The following KCNQ2 variants were observed in gnomAD, a reference collection of about 807,000 sequenced individuals.
The protein encoded by KCNQ2 is potassium voltage-gated channel subfamily Q member 2.
In KCNQ2, 14 loss-of-function variants were observed where a neutral mutation model predicts 84.8. The ratio of observed to expected loss-of-function variants is 0.17; its 90% CI spans 0.11 to 0.26. The LOEUF (loss-of-function observed/expected upper bound fraction) is 0.26, where lower values mean the gene tolerates loss of function less well. Ranked by LOEUF, KCNQ2 falls within the 10% of genes least tolerant of loss-of-function variation. The pLI is 1.00. For synonymous variants in KCNQ2, 599 were observed against 554.1 expected, an observed-to-expected ratio of 1.08 and a Z score of -1.14; for missense variants, 788 against 1,254.0, an observed-to-expected ratio of 0.63 and a Z score of 5.61.
In KCNQ2 at chr20:63,445,349, C is replaced by T. The variant is rs775649577; in HGVS notation, c.403G>A (p.Val135Met). The T allele has an allele frequency of 2.4e-5, 38 of 1,613,618 alleles. No homozygotes were observed. The highest frequency in any genetic ancestry group is 2.8e-5 in the Non-Finnish European group (33 of 1,179,936). The stretch of plus-strand genomic sequence containing the variant: ...ACGAAGTACTCCACGCCAAACACCA[C>T]GATAGTCACGATTTCCTGCAGGGGA... ...ALYILEIVTI[V>M]VFGVEYFVRI... Residue 135 changes from valine to methionine, a missense_variant, in exon 3 of 17, where the codon GTG becomes ATG. By Grantham distance (21) the Val-to-Met change is conservative (BLOSUM62 1). Coordinates refer to ENST00000359125, the MANE Select transcript of KCNQ2 (RefSeq NM_172107.4).
Position 63,407,452 on chromosome 20 carries a change from TGG to T in KCNQ2, c.1888-79_1888-78del. The T allele has an allele frequency of 6.6e-7, 1 of 1,517,524 alleles. No homozygotes were observed. Among genetic ancestry groups the T allele is most frequent in the Non-Finnish European group, 8.9e-7 (1 of 1,118,580 alleles). The allele number at this position is 1,517,524 out of a possible 1,614,324, so 94.0% of individuals were successfully genotyped here. The stretch of plus-strand genomic sequence containing the variant: ...GGGGACCCAGGCTGCTCCCAGGAAA[TGG>T]GGGGGCCCAGGCTGGTTCCAGGAAA... On this transcript the variant is annotated intron_variant, in intron 16 of 16. Coordinates refer to ENST00000359125, the MANE Select transcript of KCNQ2 (RefSeq NM_172107.4). The surrounding 1 kb of genome is among the most constrained non-coding windows in gnomAD (Gnocchi z 7.2).
intron 11 of KCNQ2, among the ~76,000 whole-genome samples, chr20:63,420,036 G>A (rs1353167919): frequency 6.6e-6 from 1 of 152,250 alleles, no homozygotes; most frequent in Non-Finnish European, 1.5e-5. Flanking sequence ...TGGGAAGGAC[G>A]TGACCCCGGG....
At chr20:63,443,063 TCACCATTATCACCAC>T (rs2081270818) in intron 4 of KCNQ2, among the ~76,000 whole-genome samples, 1 of 33,744 alleles carries the variant, frequency 3.0e-5, no homozygotes, top group African/African-American at 1.1e-4. Context: ...AGCATCACCA[TCACCATTATCACCAC>T]CACCACCATT....
rs1477180427 is a variant in KCNQ2 at position 63,415,013 on chromosome 20, C to T, written c.1415G>A (p.Ser472Asn). ...TVRRSPSADQ[S>N]LEDSPSKVPK... ...CACCTTGCTGGGGCTGTCCTCGAGG[C>T]TCTGGTCGGCGCTGGGTGACCGCCT... Residue 472 changes from serine (S) to asparagine (N), a missense_variant, in exon 13 of 17, where the codon AGC becomes AAC. Ser to Asn is a conservative substitution (Grantham distance 46). Coordinates refer to ENST00000359125, the MANE Select transcript of KCNQ2 (RefSeq NM_172107.4). 1.2e-6 allele frequency: 2 copies of T among 1,610,704 alleles called. No individual in the cohort carries two copies. The highest frequency in any genetic ancestry group is 1.7e-6 in the Non-Finnish European group (2 of 1,179,946).
chr20:63,424,181 G>T lies in KCNQ2; in HGVS notation c.1243C>A (p.Pro415Thr). The stretch of plus-strand genomic sequence containing the variant: ...GTAGCAGCAGGGGGCACTGACCTTG[G>T]AGACGGCTCCGGCGGGGGGTCCTTC... ...FRKDPPPEPS[P>T]SKGSPCRGPL... The change falls in exon 11 of 17, where the codon CCA becomes ACA. Residue 415 changes from proline to threonine, a missense_variant. By Grantham distance (38) the Pro-to-Thr change is conservative. Around this residue, in one of 8 missense-constraint regions of KCNQ2, gnomAD observed 202 missense variants for 239.4 expected, o/e 0.84. Coordinates refer to ENST00000359125, the MANE Select transcript of KCNQ2 (RefSeq NM_172107.4). The T allele has an allele frequency of 6.4e-7, 1 of 1,556,560 alleles. No individual in the cohort carries two copies. Among genetic ancestry groups the T allele is most frequent in the Non-Finnish European group, 8.7e-7 (1 of 1,149,390 alleles).
chr20:63,408,634 G>A lies in KCNQ2; in HGVS notation c.1764-98C>T. Reference sequence around the variant, plus strand: ...CAGGCCACAGTGCCCCTGGGTCTAGGCTGCAGGCTCAGCCCAGAGCCGACC... The same window carrying A: ...CAGGCCACAGTGCCCCTGGGTCTAGACTGCAGGCTCAGCCCAGAGCCGACC... On this transcript the variant is annotated intron_variant, in intron 15 of 16. Transcript: ENST00000359125. This position sits in a 1 kb window ranked among gnomAD's most constrained non-coding sequence, Gnocchi z 5.0. 1 of 1,543,560 alleles carries A rather than the reference G, an allele frequency of 6.5e-7. No homozygotes were observed. The highest frequency in any genetic ancestry group is 8.7e-7 in the Non-Finnish European group (1 of 1,145,666).
rs1340593322 is a variant in KCNQ2 at position 63,446,734 on chromosome 20, C to A, written c.387+13G>T. ...CTGGGCACTTCCAGCCCCCGCCCTC[C>A]CTCGGGGCTCACCAGGATGTAGAGG... On this transcript the variant is annotated intron_variant, in intron 2 of 16. Transcript: ENST00000359125. This position sits in a 1 kb window ranked among gnomAD's most constrained non-coding sequence, Gnocchi z 5.5. 1.9e-6 allele frequency: 3 copies of A among 1,609,180 alleles called. No individual in the cohort carries two copies. In the African/African-American group the frequency reaches 4.0e-5, roughly 22 times the overall value.
intron 1 of KCNQ2, chr20:63,448,146 A>T (rs41283018): frequency 1.3e-5 from 2 of 152,400 alleles, no homozygotes; most frequent in Non-Finnish European, 2.9e-5. Context: ...TTGGCAGGAA[A>T]GCCAACTCCC....
chr20:63,466,224 C>G (rs544087786), intron 1 of KCNQ2, among the ~76,000 whole-genome samples: 5 of 152,268 alleles, frequency 3.3e-5, no homozygotes, highest in African/African-American at 1.2e-4. Flanking sequence ...CGGTCCCACA[C>G]GACAAACAGG....
chr20:63,431,230 C>T (rs2080777083), intron 9 of KCNQ2, 110 bp downstream of exon 9: 1 of 1,252,628 alleles, frequency 8.0e-7, no homozygotes, highest in Non-Finnish European at 1.2e-6. Context: ...ACAGTGGTCA[C>T]TCTGCAGACC....
chr20:63,464,900 C>T (rs1368331871), intron 1 of KCNQ2, among the ~76,000 whole-genome samples: 1 of 152,254 alleles, frequency 6.6e-6, no homozygotes, highest in African/African-American at 2.4e-5. Context: ...CCCGTCCTCT[C>T]CACAGGCTCC....
In KCNQ2 at chr20:63,414,925, G is replaced by C. The variant is rs1801545; in HGVS notation, c.1503C>G (p.Ala501=). The C allele has an allele frequency of 0.079, 127,638 of 1,612,436 alleles. 5,593 individuals are homozygous for C. Among genetic ancestry groups the C allele is most frequent in the African/African-American group, 0.14 (10,544 of 74,888 alleles). Residue 501 remains alanine (A), a synonymous_variant, in exon 13 of 17, where the codon GCC becomes GCG. Coordinates refer to ENST00000359125, the MANE Select transcript of KCNQ2 (RefSeq NM_172107.4). The surrounding 1 kb of genome is among the most constrained non-coding windows in gnomAD (Gnocchi z 6.6). The part of the protein sequence containing the change: ...RARQAFRIKG[A]ASRQNSEEAS... ...CACCTTCTGAGTTCTGCCGTGACGCGGCACCCTTGATGCGGAAAGCCTGGC... is the reference window on the plus strand; with the variant it reads ...CACCTTCTGAGTTCTGCCGTGACGCCGCACCCTTGATGCGGAAAGCCTGGC...
intron 1 of KCNQ2, among the ~76,000 whole-genome samples, chr20:63,457,944 G>A (rs1202100890): frequency 6.6e-6 from 1 of 152,198 alleles, no homozygotes; most frequent in East Asian, 1.9e-4. Context: ...GGTCCCTGGA[G>A]ACGGAAGCTC....
intron 15 of KCNQ2, among the ~76,000 whole-genome samples, chr20:63,412,907 C>T (rs1383531578): frequency 2.0e-5 from 3 of 152,170 alleles, no homozygotes; most frequent in South Asian, 4.1e-4. Flanking sequence ...TGTGTGGGCA[C>T]GTGTGTGGAC....
At chr20:63,455,085 G>A (rs1325293154) in intron 1 of KCNQ2, among the ~76,000 whole-genome samples, 2 of 152,212 alleles carry the variant, frequency 1.3e-5, no homozygotes, top group Admixed American at 6.5e-5. Context: ...GACTTCCTAC[G>A]GGAGAATGGG....
chr20:63,465,168 G>A (rs2082049578), intron 1 of KCNQ2, among the ~76,000 whole-genome samples: 1 of 152,250 alleles, frequency 6.6e-6, no homozygotes, highest in Non-Finnish European at 1.5e-5. Context: ...CACAAGAGCA[G>A]AGAGCTCTTC....
Position 63,407,317 on chromosome 20 carries a change from C to T in KCNQ2, c.1946G>A (p.Gly649Asp), listed in dbSNP as rs200124638. 3 of 1,596,484 alleles carry T rather than the reference C, an allele frequency of 1.9e-6. No homozygotes were observed. The highest frequency in any genetic ancestry group is 2.2e-5 in the East Asian group (1 of 44,796). Residue 649 changes from glycine (G) to aspartate (D), a missense_variant, in exon 17 of 17, where the codon GGC (glycine) becomes GAC (aspartate). By Grantham distance (94) the Gly-to-Asp change is moderately conservative (BLOSUM62 -1). Transcript: ENST00000359125. The surrounding 1 kb of genome is among the most constrained non-coding windows in gnomAD (Gnocchi z 7.2). ...FLVNIYMQRM[G>D]IPPTETEAYF... ...GGCCTCGGTCTCTGTCGGGGGGATGCCCATCCGCTGCATGTAGATATTCAC... is the reference window on the plus strand; with the variant it reads ...GGCCTCGGTCTCTGTCGGGGGGATGTCCATCCGCTGCATGTAGATATTCAC...
chr20:63,417,981 C>T (rs1277858239), intron 12 of KCNQ2, among the ~76,000 whole-genome samples: 1 of 152,166 alleles, frequency 6.6e-6, no homozygotes. Context: ...GCTCCCACCT[C>T]AGATCTGCGA....
At chr20:63,442,758 TCACCAC>T (rs1318879811) in intron 4 of KCNQ2, among the ~76,000 whole-genome samples, 4 of 34,818 alleles carry the variant, frequency 1.1e-4, no homozygotes, top group Admixed American at 3.0e-4. Context: ...ACCATCACCA[TCACCAC>T]CATCACCATC....
Sources: gnomAD v4.1 joint callset for allele counts (sites outside exome capture counted in the v4.1 genomes callset) on GRCh38, gnomAD v4.1.1 for gene constraint, gnomAD v4.1.1 regional missense constraint, Gnocchi (gnomAD v3.1) non-coding constraint, MANE v1.5 for transcripts, NCBI Gene and HGNC (gene_info 2026-07-23, HGNC 2026-07-21) for gene names.